OR2L13: variants seen among roughly 807,000 people sequenced by gnomAD.
OR2L13 encodes the protein olfactory receptor 2L13.
OR2L13 carries 14 observed loss-of-function variants against 15.3 expected under a neutral mutation model. That is an observed-to-expected ratio of 0.91 (90% CI 0.60 to 1.43). The LOEUF (loss-of-function observed/expected upper bound fraction) is 1.43. Among genes scored for constraint, OR2L13 ranks in the 40% most tolerant of loss-of-function variants. The pLI is 0.00. For missense variants in OR2L13, 367 were observed against 387.9 expected, an observed-to-expected ratio of 0.95 and a Z score of 0.45; for synonymous variants, 152 against 142.9, an observed-to-expected ratio of 1.06 and a Z score of -0.45.
the OR2L13 span, chr1:247,965,491 C>T: frequency 9.9e-6 from 16 of 1,613,658 alleles, no homozygotes; most frequent in Non-Finnish European, 1.4e-5. Context: ...TACAGTTGCT[C>T]TGACAGGAAA....
At chr1:247,938,975 T>C in the OR2L13 span, 1 of 152,210 alleles carries the variant, frequency 6.6e-6, no homozygotes, top group African/African-American at 2.4e-5. Flanking sequence ...TTTAAACTTT[T>C]GTGGCAATTC....
the OR2L13 span, chr1:248,061,285 A>G: frequency 0.054 from 83,899 of 1,566,982 alleles, 7,107 homozygotes; most frequent in East Asian, 0.23. Flanking sequence ...GTTTTTGAGC[A>G]CCACCATCTT....
chr1:247,969,805 C>T, the OR2L13 span, among the ~76,000 whole-genome samples: 6 of 152,120 alleles, frequency 3.9e-5, no homozygotes, highest in South Asian at 2.1e-4. Context: ...GCAAAAGCAC[C>T]GATGAGATCT....
the OR2L13 span, among the ~76,000 whole-genome samples, chr1:248,086,537 C>A: frequency 2.0e-5 from 3 of 152,214 alleles, no homozygotes; most frequent in African/African-American, 7.2e-5. Context: ...ATTAATTCTT[C>A]TTTCAGGTAT....
At chr1:247,995,977 C>T in the OR2L13 span, among the ~76,000 whole-genome samples, 1 of 152,216 alleles carries the variant, frequency 6.6e-6, no homozygotes, top group Non-Finnish European at 1.5e-5. Context: ...CTTATGACTT[C>T]ACCACTCGCT....
At chr1:247,979,211 G>T in the OR2L13 span, among the ~76,000 whole-genome samples, 1 of 151,946 alleles carries the variant, frequency 6.6e-6, no homozygotes, top group African/African-American at 2.4e-5. Context: ...TGTGCATAAC[G>T]TGCAGGTTTG....
chr1:247,963,433 C>T, the OR2L13 span, among the ~76,000 whole-genome samples: 1 of 152,162 alleles, frequency 6.6e-6, no homozygotes, highest in Admixed American at 6.5e-5. Flanking sequence ...TGGTAGGTTT[C>T]AGTCAGCTTA....
chr1:248,041,469 A>G, the OR2L13 span: 21 of 152,208 alleles, frequency 1.4e-4, no homozygotes, highest in African/African-American at 4.6e-4. Context: ...CATGTCTAAA[A>G]TACCAAAAGC....
chr1:247,984,549 C>T, the OR2L13 span, among the ~76,000 whole-genome samples: 3 of 152,074 alleles, frequency 2.0e-5, no homozygotes, highest in Non-Finnish European at 2.9e-5. Context: ...TTCCAAATGA[C>T]ATATGTGAAA....
chr1:248,031,586 G>A, the OR2L13 span, among the ~76,000 whole-genome samples: 2 of 152,106 alleles, frequency 1.3e-5, no homozygotes, highest in Admixed American at 6.6e-5. Context: ...TCTATCCAAT[G>A]GTCTGGCTGG....
chr1:247,968,779 A>G, the OR2L13 span, among the ~76,000 whole-genome samples: 1 of 151,662 alleles, frequency 6.6e-6, no homozygotes, highest in African/African-American at 2.4e-5. Context: ...AGTCTTTGCT[A>G]TTGTGAATGG....
the OR2L13 span, among the ~76,000 whole-genome samples, chr1:247,958,598 C>T: frequency 9.9e-5 from 15 of 151,968 alleles, no homozygotes; most frequent in East Asian, 1.5e-3. Context: ...TAGGTCTCTA[C>T]GGACTTGCTT....
At chr1:248,050,427 T>C in the OR2L13 span, among the ~76,000 whole-genome samples, 1 of 152,146 alleles carries the variant, frequency 6.6e-6, no homozygotes, top group Admixed American at 6.5e-5. Context: ...AACAGGAACA[T>C]CATGGCTGAG....
At chr1:248,024,478 C>T in the OR2L13 span, among the ~76,000 whole-genome samples, 11 of 152,160 alleles carry the variant, frequency 7.2e-5, no homozygotes, top group Non-Finnish European at 1.5e-4. Context: ...TATTAAAATA[C>T]ACTGTGTATC....
At chr1:248,079,995 A>C in the OR2L13 span, among the ~76,000 whole-genome samples, 6 of 152,236 alleles carry the variant, frequency 3.9e-5, no homozygotes. Flanking sequence ...ATTCTTAACA[A>C]ATCAGCAAGA....
At chr1:248,038,584 T>C in the OR2L13 span, 10 of 1,614,200 alleles carry the variant, frequency 6.2e-6, no homozygotes, top group Admixed American at 1.5e-4. Context: ...TTCTTGACTT[T>C]AGCAGTTGCA....
At chr1:247,953,603 G>A in the OR2L13 span, among the ~76,000 whole-genome samples, 1 of 152,166 alleles carries the variant, frequency 6.6e-6, no homozygotes, top group Non-Finnish European at 1.5e-5. Context: ...CCACAAATAT[G>A]CTAAGTTGGC....
the OR2L13 span, among the ~76,000 whole-genome samples, chr1:247,982,174 A>C: frequency 1.0e-3 from 156 of 152,308 alleles, no homozygotes; most frequent in Non-Finnish European, 2.0e-3. Context: ...TTTTTCTTTG[A>C]AAATAGTTTT....
chr1:248,049,085 C>T, the OR2L13 span, among the ~76,000 whole-genome samples: 90 of 152,194 alleles, frequency 5.9e-4, no homozygotes, highest in Non-Finnish European at 2.9e-4. Flanking sequence ...TCTGTGCCTC[C>T]GTGGAAAACT....
Sources: allele counts gnomAD v4.1 joint callset (sites outside exome capture counted in the v4.1 genomes callset), GRCh38; gene constraint gnomAD v4.1.1; transcripts MANE v1.5; gene names NCBI Gene and HGNC (gene_info 2026-07-23, HGNC 2026-07-21).